Variants in ADGRF1 observed in about 807,000 individuals in gnomAD.
ADGRF1 encodes the protein G protein-coupled receptor 110.
ADGRF1 carries 85 observed loss-of-function variants against 87.2 expected under a neutral mutation model. The observed-to-expected ratio is 0.97, with a 90% CI of 0.82 to 1.17. ADGRF1 has a LOEUF of 1.17. Among genes scored for constraint, ADGRF1 ranks in the 50% most tolerant of loss-of-function variants. The probability of loss-of-function intolerance (pLI) is 0.00; values close to 1 mark genes in which losing one functional copy is unlikely to be tolerated. For missense variants in ADGRF1, 1,169 were observed against 1,077.2 expected (o/e 1.09, Z -1.19); for synonymous variants, 430 against 408.8 (o/e 1.05, Z -0.63).
intron 1 of ADGRF1, among the ~76,000 whole-genome samples, chr6:47,029,896 G>C (rs1214179611): frequency 6.6e-6 from 1 of 152,210 alleles, no homozygotes; most frequent in East Asian, 1.9e-4. Context: ...TTACATCATT[G>C]CTAAGTTTTA....
rs371977124 is a variant in ADGRF1, at chr6:47,026,002, G to T, written c.129C>A (p.Gly43=). Residue 43 remains glycine (G), a splice_region_variant and synonymous_variant, in exon 4 of 15, where the codon GGC becomes GGA. Coordinates refer to ENST00000371253, the MANE Select transcript of ADGRF1 (RefSeq NM_153840.4). ...ELIVNKKKHL[G]PVEEYQLLLQ... is the part of the protein sequence containing the mutation. ...GCAGCAGCTGATATTCTTCGACTGG[G>T]CCTAAAGAGAGAAAGAGAGTCAGAA... 2 of 1,572,258 alleles carry T rather than the reference G, an allele frequency of 1.3e-6. No homozygotes were observed. Among genetic ancestry groups the T allele is most frequent in the Non-Finnish European group, 1.7e-6 (2 of 1,157,860 alleles).
Position 46,997,885 on chromosome 6 carries a change from C to G in ADGRF1, c.*2337G>C, listed in dbSNP as rs1779257332. ...GCTTTTTCTTCCATCAGATACATTC[C>G]AGTTGTATGCCAACATACTCAGGTA... On this transcript the variant is annotated 3_prime_UTR_variant, in exon 15 of 15. Transcript: ENST00000371253. 1 of 152,098 alleles carries G rather than the reference C, an allele frequency of 6.6e-6. No homozygotes were observed. Among genetic ancestry groups the G allele is most frequent in the South Asian group, 2.1e-4 (1 of 4,828 alleles). The allele number at this position is 152,098 out of a possible 1,614,324, so 9.4% of individuals were successfully genotyped here. A position where few individuals can be genotyped will look rare whatever the true frequency, so the allele number is the denominator to read the frequency against.
chr6:47,021,262 T>C (rs1728906465), intron 6 of ADGRF1, among the ~76,000 whole-genome samples: 1 of 152,230 alleles, frequency 6.6e-6, no homozygotes, highest in Non-Finnish European at 1.5e-5. Flanking sequence ...GACTTTATTA[T>C]AAAGTTGAGA....
rs374050541 is a variant in ADGRF1, at chr6:47,009,832, C to T, written c.1603G>A (p.Val535Met). ...TGCAAATGACTGAAATCCCAAAACA[C>T]ACAATGAGGCTGGCTCAGGTTTGAC... is the stretch of plus-strand genomic sequence containing the variant. ...IESNLSQPHCVFWDFSHLQWN... is the reference protein window; with the variant it reads ...IESNLSQPHCMFWDFSHLQWN... The change falls in exon 11 of 15, where the codon GTG becomes ATG. Residue 535 changes from valine (V) to methionine (M), a missense_variant. Physicochemically the swap from Val to Met is conservative, Grantham distance 21. Coordinates refer to ENST00000371253, the MANE Select transcript of ADGRF1 (RefSeq NM_153840.4). 1 of 1,614,140 alleles carries T rather than the reference C, an allele frequency of 6.2e-7. No individual in the cohort carries two copies. The highest frequency in any genetic ancestry group is 1.1e-5 in the South Asian group (1 of 91,074).
intron 1 of ADGRF1, among the ~76,000 whole-genome samples, chr6:47,040,298 C>T (rs867874571): frequency 2.6e-5 from 4 of 151,986 alleles, no homozygotes; most frequent in African/African-American, 9.7e-5. Flanking sequence ...CAATGAAACC[C>T]TGTCTCTAAT....
chr6:47,027,896 A>G (rs1780289719), intron 2 of ADGRF1, 135 bp from the exon 3 acceptor site: 2 of 665,016 alleles, frequency 3.0e-6, no homozygotes, highest in Non-Finnish European at 5.3e-6. Context: ...GCGGCCAGGG[A>G]AGGCCTCACT....
At chr6:47,014,605 C>T (rs1404119577) in intron 9 of ADGRF1, 76 bp downstream of exon 9, 9 of 1,559,594 alleles carry the variant, frequency 5.8e-6, no homozygotes, top group Admixed American at 1.8e-5. Flanking sequence ...TTACCCTCCA[C>T]CTAGCCATGC....
At chr6:47,019,625 A>T (rs1487030702) in intron 7 of ADGRF1, 3 of 382,592 alleles carry the variant, frequency 7.8e-6, no homozygotes, top group African/African-American at 6.6e-5. Flanking sequence ...TGGAGGTTGC[A>T]GTGAGCCGAG....
At position 46,998,920 on chromosome 6, in the gene ADGRF1, C is replaced by T. The variant is rs904078440; in HGVS notation, c.*1302G>A. The T allele has an allele frequency of 2.0e-5, 3 of 152,256 alleles. No individual in the cohort carries two copies. Among genetic ancestry groups the T allele is most frequent in the East Asian group, 1.9e-4 (1 of 5,204 alleles). The allele number at this position is 152,256 out of a possible 1,614,324, so 9.4% of individuals were successfully genotyped here. ...TGTGGAAGTCTAACTTTGAATTTCT[C>T]TCAGGTATGCTTATTTAATCTACCA... On this transcript the variant is annotated 3_prime_UTR_variant, in exon 15 of 15. Transcript: ENST00000371253.
intron 9 of ADGRF1, chr6:47,012,814 G>A (rs1364528341): frequency 1.0e-6 from 1 of 972,110 alleles, no homozygotes; most frequent in Non-Finnish European, 1.2e-6. Context: ...CTGTCAGCCA[G>A]GCTGGAGTGC....
At chr6:47,006,543 A>G (rs1779537254) in intron 12 of ADGRF1, among the ~76,000 whole-genome samples, 1 of 151,680 alleles carries the variant, frequency 6.6e-6, no homozygotes, top group African/African-American at 2.4e-5. Flanking sequence ...TTTTATTTCC[A>G]TAGGTTATTG....
intron 7 of ADGRF1, chr6:47,016,980 A>T: frequency 7.9e-6 from 3 of 380,428 alleles, no homozygotes; most frequent in Non-Finnish European, 1.1e-5. Flanking sequence ...ACATCTGTAT[A>T]TATACAGATA....
At position 46,998,856 on chromosome 6, in the gene ADGRF1, C is replaced by G. The variant is rs912926823; in HGVS notation, c.*1366G>C. 2.0e-5 allele frequency: 3 copies of G among 152,240 alleles called. No individual in the cohort carries two copies. Among genetic ancestry groups the G allele is most frequent in the African/African-American group, 4.8e-5 (2 of 41,448 alleles). 9.4% of individuals were successfully genotyped at this position (152,240 alleles called of 1,614,324 possible). A position where few individuals can be genotyped will look rare whatever the true frequency, so the allele number is the denominator to read the frequency against. ...ATCCTCAGTCATTTCCTTTGAACCT[C>G]TCACTTTCATATTTCATGTGTGCTG... On this transcript the variant is annotated 3_prime_UTR_variant, in exon 15 of 15. Coordinates refer to ENST00000371253, the MANE Select transcript of ADGRF1 (RefSeq NM_153840.4).
At chr6:47,017,299 A>G (rs952020753) in intron 7 of ADGRF1, 1 of 152,204 alleles carries the variant, frequency 6.6e-6, no homozygotes, top group Non-Finnish European at 1.5e-5. Flanking sequence ...TTTATTAAAA[A>G]GTTTTCTTCT....
rs112344483 is a variant in ADGRF1 at position 47,013,947 on chromosome 6, A to G, written c.927+734T>C. ...TGTGCTTACTTCCCTTTCGCCTCCC[A>G]CCATGATTGTAAGTTTCCTGAGGCC... On this transcript the variant is annotated intron_variant, in intron 9 of 14. Coordinates refer to ENST00000371253, the MANE Select transcript of ADGRF1 (RefSeq NM_153840.4). 8.9e-3 allele frequency: 1,361 copies of G among 152,656 alleles called. 19 individuals are homozygous for G. The highest frequency in any genetic ancestry group is 0.031 in the African/African-American group (1,274 of 40,946). 9.5% of individuals were successfully genotyped at this position (152,656 alleles called of 1,614,324 possible). A position where few individuals can be genotyped will look rare whatever the true frequency, so the allele number is the denominator to read the frequency against.
intron 13 of ADGRF1, 40 bp from the exon 14 acceptor site, chr6:47,001,607 A>G (rs768356007): frequency 6.6e-7 from 1 of 1,509,278 alleles, no homozygotes; most frequent in African/African-American, 1.4e-5. Flanking sequence ...CATTAATAGC[A>G]TTCTTTTACT....
chr6:47,018,473 A>G (rs1779945892), intron 7 of ADGRF1: 1 of 1,289,772 alleles, frequency 7.8e-7, no homozygotes, highest in Non-Finnish European at 1.0e-6. Context: ...AATGATGGTC[A>G]CAATACCTTT....
At chr6:47,011,769 C>G (rs542100406) in intron 10 of ADGRF1, among the ~76,000 whole-genome samples, 1 of 152,286 alleles carries the variant, frequency 6.6e-6, no homozygotes, top group East Asian at 1.9e-4. Flanking sequence ...AAAGCTTACC[C>G]CCTCCTCTAA....
chr6:47,000,159 G>A lies in ADGRF1; in HGVS notation c.*63C>T. The A allele has an allele frequency of 8.1e-7, 1 of 1,231,930 alleles. No homozygotes were observed. Among genetic ancestry groups the A allele is most frequent in the Non-Finnish European group, 1.2e-6 (1 of 841,790 alleles). 76.3% of individuals were successfully genotyped at this position (1,231,930 alleles called of 1,614,324 possible). A position where few individuals can be genotyped will look rare whatever the true frequency, so the allele number is the denominator to read the frequency against. ...GAATACTGAGCATAATTTCTTCATT[G>A]ACATTTGTCTCTAAATGTCAAGTTG... On this transcript the variant is annotated 3_prime_UTR_variant, in exon 15 of 15. Transcript: ENST00000371253.
Sources: allele counts gnomAD v4.1 joint callset (sites outside exome capture counted in the v4.1 genomes callset), GRCh38; gene constraint gnomAD v4.1.1; transcripts MANE v1.5; gene names NCBI Gene and HGNC (gene_info 2026-07-23, HGNC 2026-07-21).